RNF169: variants seen among roughly 807,000 people sequenced by gnomAD.
RNF169 encodes the protein E3 ubiquitin-protein ligase RNF169.
In RNF169, 24 loss-of-function variants were observed where a neutral mutation model predicts 53.9. The observed-to-expected ratio is 0.45, with a 90% CI of 0.32 to 0.63. The LOEUF is 0.63. RNF169 is among the 20% of genes least tolerant of loss of function. The pLI, the probability that RNF169 is intolerant of heterozygous loss-of-function variation, is 0.04. For missense variants in RNF169, 883 were observed against 906.2 expected (o/e 0.97, Z 0.33); for synonymous variants, 396 against 363.5 (o/e 1.09, Z -1.02).
chr11:74,807,107 A>G (rs950767212), intron 2 of RNF169, among the ~76,000 whole-genome samples: 10 of 152,154 alleles, frequency 6.6e-5, no homozygotes, highest in African/African-American at 2.4e-4. Flanking sequence ...CCTCATTTAC[A>G]GTAGTGGATG....
intron 2 of RNF169, among the ~76,000 whole-genome samples, chr11:74,794,637 G>A (rs1390286241): frequency 6.6e-6 from 1 of 152,138 alleles, no homozygotes; most frequent in Non-Finnish European, 1.5e-5. Flanking sequence ...AGGAGGAGGT[G>A]AAGGAACTGA....
At chr11:74,817,567 C>A in intron 3 of RNF169, 29 bp from the exon 4 acceptor site, 1 of 1,400,986 alleles carries the variant, frequency 7.1e-7, no homozygotes, top group Non-Finnish European at 1.0e-6. Flanking sequence ...TCCAAATGGA[C>A]AGTGTTGTCT....
intron 2 of RNF169, among the ~76,000 whole-genome samples, chr11:74,802,318 A>G (rs1591415010): frequency 6.6e-6 from 1 of 152,308 alleles, no homozygotes; most frequent in East Asian, 1.9e-4. Flanking sequence ...TTTGTGTCAA[A>G]AAATATCTTT....
chr11:74,748,900 G>C lies in RNF169; in HGVS notation c.20G>C (p.Ser7Thr), dbSNP rs1268225524. The change falls in exon 1 of 6, where the codon AGT (serine) becomes ACT (threonine). Residue 7 changes from serine to threonine, a missense_variant. By Grantham distance (58) the Ser-to-Thr change is moderately conservative. Coordinates refer to ENST00000299563, the MANE Select transcript of RNF169 (RefSeq NM_001098638.2). The part of the protein sequence containing the change: MAAAGP[S>T]TRASSAAAAA... The stretch of plus-strand genomic sequence containing the variant: ...AACAAGATGGCGGCTGCAGGTCCGA[G>C]TACTCGGGCCTCTTCCGCGGCGGCA... 1 of 1,434,142 alleles carries C rather than the reference G, an allele frequency of 7.0e-7. No homozygotes were observed. Among genetic ancestry groups the C allele is most frequent in the East Asian group, 2.9e-5 (1 of 34,836 alleles). 88.8% of individuals were successfully genotyped at this position (1,434,142 alleles called of 1,614,324 possible). A position where few individuals can be genotyped will look rare whatever the true frequency, so the allele number is the denominator to read the frequency against.
rs566464188 is a variant in RNF169 at position 74,783,756 on chromosome 11, C to T, written c.503-5870C>T. Among the ~76,000 whole-genome samples, 368 of 152,106 alleles carry T rather than the reference C, an allele frequency of 2.4e-3. 2 individuals are homozygous for T. The highest frequency in any genetic ancestry group is 3.2e-3 in the Non-Finnish European group (218 of 68,000). ...CATTTCACCCACAATTTCCTCTTTT[C>T]GGGTGGAGGAAGCTGACATGTGACC... On this transcript the variant is annotated intron_variant, in intron 1 of 5. Transcript: ENST00000299563.
intron 1 of RNF169, among the ~76,000 whole-genome samples, chr11:74,753,574 G>A (rs1161945431): frequency 6.6e-6 from 1 of 152,162 alleles, no homozygotes; most frequent in Non-Finnish European, 1.5e-5. Context: ...TTTTGTACCA[G>A]CCTAATAGCA....
At chr11:74,751,889 G>A (rs1458818766) in intron 1 of RNF169, among the ~76,000 whole-genome samples, 1 of 152,006 alleles carries the variant, frequency 6.6e-6, no homozygotes, top group East Asian at 1.9e-4. Flanking sequence ...ATTTTTAATA[G>A]GCAGTGCATT....
At chr11:74,826,207 TC>T (rs1386513939) in intron 4 of RNF169, among the ~76,000 whole-genome samples, 1 of 152,058 alleles carries the variant, frequency 6.6e-6, no homozygotes, top group Non-Finnish European at 1.5e-5. Flanking sequence ...GCACCTGTAA[TC>T]CCAGCTACTC....
At chr11:74,759,889 C>G (rs1404101392) in intron 1 of RNF169, among the ~76,000 whole-genome samples, 1 of 151,832 alleles carries the variant, frequency 6.6e-6, no homozygotes, top group Admixed American at 6.6e-5. Context: ...GGAATGGTAC[C>G]AGTTCCTCTT....
chr11:74,778,433 T>A (rs897876058), intron 1 of RNF169, among the ~76,000 whole-genome samples: 3 of 152,210 alleles, frequency 2.0e-5, no homozygotes, highest in African/African-American at 7.2e-5. Context: ...TATTGCTGTT[T>A]CTGTGTTTAA....
At position 74,763,929 on chromosome 11, in the gene RNF169, C is replaced by G. The variant is rs1263429518; in HGVS notation, c.502+14547C>G. ...TGGTGTGATCATAGCTTGCTGCAGC[C>G]TTGACCTCCCAGGCTCAAGTGATCC... is the stretch of plus-strand genomic sequence containing the variant. On this transcript the variant is annotated intron_variant, in intron 1 of 5. Transcript: ENST00000299563. Among the ~76,000 whole-genome samples, 3 of 152,310 alleles carry G rather than the reference C, an allele frequency of 2.0e-5. No homozygotes were observed. In the East Asian group the frequency reaches 5.8e-4, roughly 29 times the overall value.
intron 1 of RNF169, among the ~76,000 whole-genome samples, chr11:74,783,210 A>G (rs1225138249): frequency 6.6e-6 from 1 of 151,322 alleles, no homozygotes; most frequent in Non-Finnish European, 1.5e-5. Flanking sequence ...GTTTAATGCA[A>G]TTAGCAACAT....
chr11:74,834,724 C>G lies in RNF169; in HGVS notation c.891C>G (p.Ala297=). The G allele has an allele frequency of 6.2e-7, 1 of 1,613,766 alleles. No homozygotes were observed. The highest frequency in any genetic ancestry group is 8.5e-7 in the Non-Finnish European group (1 of 1,179,876). The change falls in exon 5 of 6, where the codon GCC becomes GCG. Residue 297 remains alanine, a synonymous_variant. Coordinates refer to ENST00000299563, the MANE Select transcript of RNF169 (RefSeq NM_001098638.2). The part of the protein sequence containing the change: ...VERSQSCSDT[A]QERAKSRVRA... ...GGAGTCAGAGCTGTAGTGACACAGC[C>G]CAGGAAAGAGCGAAGAGCAGAGTCA... is the stretch of plus-strand genomic sequence containing the variant.
At chr11:74,804,339 G>A (rs2035775119) in intron 2 of RNF169, among the ~76,000 whole-genome samples, 1 of 152,078 alleles carries the variant, frequency 6.6e-6, no homozygotes, top group Non-Finnish European at 1.5e-5. Flanking sequence ...GAATAAATGA[G>A]TACAAATTTT....
At chr11:74,788,346 C>T (rs1222601520) in intron 1 of RNF169, among the ~76,000 whole-genome samples, 2 of 151,760 alleles carry the variant, frequency 1.3e-5, no homozygotes, top group African/African-American at 4.8e-5. Context: ...TTTTATTGTT[C>T]AATTTTTCTG....
chr11:74,779,201 T>G (rs1419460962), intron 1 of RNF169, among the ~76,000 whole-genome samples: 3 of 152,224 alleles, frequency 2.0e-5, no homozygotes, highest in African/African-American at 7.2e-5. Flanking sequence ...AGAAATTAAA[T>G]TACTAGATCA....
rs1183249162 is a variant in RNF169, at chr11:74,841,340, A to G, written c.*4610A>G. On this transcript the variant is annotated 3_prime_UTR_variant, in exon 6 of 6. Coordinates refer to ENST00000299563, the MANE Select transcript of RNF169 (RefSeq NM_001098638.2). ...AGATTCTAGGGAAAGTGCTGAAGAG[A>G]TTTTCTTCTGAAGATGATCTAGGAA... 7 of 152,064 alleles carry G rather than the reference A, an allele frequency of 4.6e-5. No individual in the cohort carries two copies. The highest frequency in any genetic ancestry group is 2.0e-4 in the Admixed American group (3 of 15,278). 9.4% of individuals were successfully genotyped at this position (152,064 alleles called of 1,614,324 possible). A position where few individuals can be genotyped will look rare whatever the true frequency, so the allele number is the denominator to read the frequency against.
rs995723669 is a variant in RNF169, at chr11:74,840,906, C to G, written c.*4176C>G. 6.6e-6 allele frequency: 1 copy of G among 151,436 alleles called. No homozygotes were observed. The highest frequency in any genetic ancestry group is 1.5e-5 in the Non-Finnish European group (1 of 67,888). 9.4% of individuals were successfully genotyped at this position (151,436 alleles called of 1,614,324 possible). The stretch of plus-strand genomic sequence containing the variant: ...AGTTTGACACACGCAGACACACGCA[C>G]CAATGATGGGGATACCCCCAAATGA... On this transcript the variant is annotated 3_prime_UTR_variant, in exon 6 of 6. Coordinates refer to ENST00000299563, the MANE Select transcript of RNF169 (RefSeq NM_001098638.2).
chr11:74,785,079 G>T (rs1311813409), intron 1 of RNF169, among the ~76,000 whole-genome samples: 1 of 150,220 alleles, frequency 6.7e-6, no homozygotes, highest in East Asian at 1.9e-4. Flanking sequence ...GCATTCCTAT[G>T]AGGTAGCTTG....
Sources: gnomAD v4.1 joint callset for allele counts (sites outside exome capture counted in the v4.1 genomes callset) on GRCh38, gnomAD v4.1.1 for gene constraint, MANE v1.5 for transcripts, NCBI Gene and HGNC (gene_info 2026-07-23, HGNC 2026-07-21) for gene names.